NEK8: variants seen among roughly 807,000 people sequenced by gnomAD.
The protein encoded by NEK8 is serine/threonine-protein kinase Nek8.
NEK8 carries 51 observed loss-of-function variants against 77.2 expected under a neutral mutation model. That is an observed-to-expected ratio of 0.66 (90% CI 0.53 to 0.83). The LOEUF is 0.83. Ranked by LOEUF, NEK8 falls within the 40% of genes least tolerant of loss-of-function variation. The pLI is 0.00. For synonymous variants in NEK8, 365 were observed against 363.2 expected (o/e 1.00, Z -0.06); for missense variants, 787 against 909.2 (o/e 0.87, Z 1.73).
chr17:28,728,893 G>C (rs1301222147), intron 1 of NEK8, 33 bp downstream of exon 1: 5 of 1,534,978 alleles, frequency 3.3e-6, no homozygotes, highest in Non-Finnish European at 3.5e-6. Context: ...GAAACTGCTA[G>C]GGGATAGGGA....
At position 28,738,109 on chromosome 17, in the gene NEK8, T is replaced by A. The variant is rs202091769; in HGVS notation, c.1086T>A (p.Gly362=). The change falls in exon 8 of 15, where the codon GGT becomes GGA. Residue 362 remains glycine, a synonymous_variant. Coordinates refer to ENST00000268766, the MANE Select transcript of NEK8 (RefSeq NM_178170.3). ...TGCCCCTGCAGGCCCCACCCCTAGGTGCAGGCGGAGGCAGTCTCCTTCCTG... is the reference window on the plus strand; with the variant it reads ...TGCCCCTGCAGGCCCCACCCCTAGGAGCAGGCGGAGGCAGTCTCCTTCCTG... ...RLILWEAPPL[G]AGGGSLLPGA... is the part of the protein sequence containing the mutation. 8 of 1,613,650 alleles carry A rather than the reference T, an allele frequency of 5.0e-6. No individual in the cohort carries two copies. The East Asian group carries it at 1.8e-4, about 36-fold the overall frequency.
chr17:28,734,493 G>A lies in NEK8; in HGVS notation c.254-279G>A, dbSNP rs572510252. 4.4e-5 allele frequency: 25 copies of A among 562,970 alleles called. No individual in the cohort carries two copies. In the South Asian group the frequency reaches 5.0e-4, roughly 11 times the overall value. 34.9% of individuals were successfully genotyped at this position (562,970 alleles called of 1,614,324 possible). On this transcript the variant is annotated intron_variant, in intron 2 of 14. Coordinates refer to ENST00000268766, the MANE Select transcript of NEK8 (RefSeq NM_178170.3). ...GATCGAGACCATCCTGTTTAACACG[G>A]GGAAACCCCGTCTCTACTAAAAATA...
In NEK8 at chr17:28,737,827, C is replaced by T. The variant is rs1021507598; in HGVS notation, c.898C>T (p.Arg300Trp). 5.6e-6 allele frequency: 9 copies of T among 1,614,034 alleles called. No individual in the cohort carries two copies. The highest frequency in any genetic ancestry group is 5.9e-6 in the Non-Finnish European group (7 of 1,180,022). The stretch of plus-strand genomic sequence containing the variant: ...ATGCACTGTACCTGCAGGTATCCCC[C>T]GGGGACCTGTGAGGCCAGCCATCCC... ...TTSVRCRGIPRGPVRPAIPPP... is the reference protein window; with the variant it reads ...TTSVRCRGIPWGPVRPAIPPP... Residue 300 changes from arginine (R) to tryptophan (W), a missense_variant, in exon 7 of 15, where the codon CGG becomes TGG. By Grantham distance (101) the Arg-to-Trp change is moderately radical (BLOSUM62 -3). This residue lies in a region of NEK8 where 516 missense variants were observed against 544.0 expected (regional missense o/e 0.95). Coordinates refer to ENST00000268766, the MANE Select transcript of NEK8 (RefSeq NM_178170.3). This position sits in a 1 kb window ranked among gnomAD's most constrained non-coding sequence, Gnocchi z 4.8.
At chr17:28,731,051 G>A (rs1236530666) in intron 1 of NEK8, among the ~76,000 whole-genome samples, 1 of 152,038 alleles carries the variant, frequency 6.6e-6, no homozygotes, top group Non-Finnish European at 1.5e-5. Context: ...TCAAGAGTTC[G>A]AGACCAGCCT....
At chr17:28,732,969 G>A (rs1001934495) in intron 1 of NEK8, 1 of 151,956 alleles carries the variant, frequency 6.6e-6, no homozygotes, top group African/African-American at 2.4e-5. Flanking sequence ...AATGTCCTAG[G>A]CTCAGGTGAT....
Position 28,737,233 on chromosome 17 carries a change from C to A in NEK8, c.619-73C>A. 6.8e-7 allele frequency: 1 copy of A among 1,476,996 alleles called. No homozygotes were observed. The highest frequency in any genetic ancestry group is 9.2e-7 in the Non-Finnish European group (1 of 1,084,994). 91.5% of individuals were successfully genotyped at this position (1,476,996 alleles called of 1,614,324 possible). On this transcript the variant is annotated intron_variant, in intron 4 of 14. Coordinates refer to ENST00000268766, the MANE Select transcript of NEK8 (RefSeq NM_178170.3). The surrounding 1 kb of genome is among the most constrained non-coding windows in gnomAD (Gnocchi z 4.8). ...GCCTCCAGGCAAAGCTGTTATTATC[C>A]CAGGAGACCAGGGGCTGGAGCTGGG...
Position 28,741,373 on chromosome 17 carries a change from G to T in NEK8, c.1892-40G>T, listed in dbSNP as rs1459077181. Reference sequence around the variant, plus strand: ...GGAGGGGAGATCCTGCTCGGGCTGTGCCCACTTCCCACTTCCCTCCTGGGG... The same window carrying T: ...GGAGGGGAGATCCTGCTCGGGCTGTTCCCACTTCCCACTTCCCTCCTGGGG... On this transcript the variant is annotated intron_variant, in intron 13 of 14. Coordinates refer to ENST00000268766, the MANE Select transcript of NEK8 (RefSeq NM_178170.3). The surrounding 1 kb of genome is among the most constrained non-coding windows in gnomAD (Gnocchi z 4.5). 6.2e-7 allele frequency: 1 copy of T among 1,608,824 alleles called. No individual in the cohort carries two copies. The highest frequency in any genetic ancestry group is 2.2e-5 in the East Asian group (1 of 44,756).
chr17:28,735,315 G>A lies in NEK8; in HGVS notation c.562G>A (p.Ala188Thr). The A allele has an allele frequency of 6.2e-7, 1 of 1,614,086 alleles. No homozygotes were observed. The highest frequency in any genetic ancestry group is 1.1e-5 in the South Asian group (1 of 91,072). Residue 188 changes from alanine to threonine, a missense_variant, in exon 4 of 15, where the codon GCC becomes ACC. Transcript: ENST00000268766. ...KPYNQKSDIW[A>T]LGCVLYELAS... Reference sequence around the variant, plus strand: ...CTACAACCAGAAGAGTGACATCTGGGCCCTGGGCTGTGTCCTCTACGAGCT... The same window carrying A: ...CTACAACCAGAAGAGTGACATCTGGACCCTGGGCTGTGTCCTCTACGAGCT...
intron 1 of NEK8, among the ~76,000 whole-genome samples, chr17:28,733,575 C>T (rs1008675558): frequency 1.3e-5 from 2 of 152,152 alleles, no homozygotes; most frequent in African/African-American, 4.8e-5. Context: ...ATTCATTGAG[C>T]GTTTTCTTTG....
chr17:28,733,164 G>C (rs916143975), intron 1 of NEK8, among the ~76,000 whole-genome samples: 1 of 151,694 alleles, frequency 6.6e-6, no homozygotes, highest in Non-Finnish European at 1.5e-5. Context: ...ACAGGCCTTA[G>C]CCACTTGGCC....
rs753159210 is a variant in NEK8, at chr17:28,735,003, C to T, written c.485C>T (p.Thr162Met). 2 of 1,608,002 alleles carry T rather than the reference C, an allele frequency of 1.2e-6. No individual in the cohort carries two copies. The highest frequency in any genetic ancestry group is 1.7e-6 in the Non-Finnish European group (2 of 1,176,902). The change falls in exon 3 of 15, where the codon ACG becomes ATG. Residue 162 changes from threonine to methionine, a missense_variant and splice_region_variant. Transcript: ENST00000268766. ...CTTAGCAGCAAGAGCAAGGCCTACA[C>T]GGTGCCTGGGCATGGAAGGGACCTC... is the stretch of plus-strand genomic sequence containing the variant. Reference protein sequence around the residue: ...KILSSKSKAYTVVGTPCYISP... With the variant: ...KILSSKSKAYMVVGTPCYISP...
At position 28,741,960 on chromosome 17, in the gene NEK8, G is replaced by T; in HGVS notation, c.2052G>T (p.Ser684=). ...GGGTTTCTCTTCGGTACCCTCCAGC[G>T]GTCACAGATGAGCCGGTCCCCCCCT... ...CHGNTLLAVR[S]VTDEPVPP Residue 684 remains serine (S), a splice_region_variant and synonymous_variant, in exon 15 of 15, where the codon TCG becomes TCT. Coordinates refer to ENST00000268766, the MANE Select transcript of NEK8 (RefSeq NM_178170.3). This position sits in a 1 kb window ranked among gnomAD's most constrained non-coding sequence, Gnocchi z 4.5. 1 of 1,614,048 alleles carries T rather than the reference G, an allele frequency of 6.2e-7. No homozygotes were observed. Among genetic ancestry groups the T allele is most frequent in the East Asian group, 2.2e-5 (1 of 44,886 alleles).
At chr17:28,736,838 C>T (rs2034369862) in intron 4 of NEK8, among the ~76,000 whole-genome samples, 1 of 152,174 alleles carries the variant, frequency 6.6e-6, no homozygotes, top group Non-Finnish European at 1.5e-5. Context: ...GACATGAAGT[C>T]CTTGCCCATG....
chr17:28,741,539 G>A lies in NEK8; in HGVS notation c.2018G>A (p.Cys673Tyr). The A allele has an allele frequency of 6.2e-7, 1 of 1,614,080 alleles. No homozygotes were observed. Reference sequence around the variant, plus strand: ...CCTTACACGGTGACTTCCGTGTCCTGTTGCCATGGAAACACCCTCCTGGCT... The same window carrying A: ...CCTTACACGGTGACTTCCGTGTCCTATTGCCATGGAAACACCCTCCTGGCT... ...THPYTVTSVS[C>Y]CHGNTLLAVR... Residue 673 changes from cysteine to tyrosine, a missense_variant, in exon 14 of 15, where the codon TGT (cysteine) becomes TAT (tyrosine). This residue lies in a region of NEK8 where 516 missense variants were observed against 544.0 expected (regional missense o/e 0.95). Coordinates refer to ENST00000268766, the MANE Select transcript of NEK8 (RefSeq NM_178170.3). This position sits in a 1 kb window ranked among gnomAD's most constrained non-coding sequence, Gnocchi z 4.5.
At chr17:28,735,638 C>T (rs2034356681) in intron 4 of NEK8, among the ~76,000 whole-genome samples, 1 of 152,036 alleles carries the variant, frequency 6.6e-6, no homozygotes, top group African/African-American at 2.4e-5. Flanking sequence ...TCCCAGCATG[C>T]TGGGGTTTCT....
At chr17:28,739,981 G>A (rs547229662) in intron 10 of NEK8, among the ~76,000 whole-genome samples, 1 of 152,202 alleles carries the variant, frequency 6.6e-6, no homozygotes, top group East Asian at 1.9e-4. Flanking sequence ...CATTTGAACA[G>A]GGCTTTAAAG....
chr17:28,731,206 C>T (rs1159501232), intron 1 of NEK8, among the ~76,000 whole-genome samples: 1 of 151,742 alleles, frequency 6.6e-6, no homozygotes, highest in Non-Finnish European at 1.5e-5. Flanking sequence ...CATTGCACTA[C>T]AGCCTAGGCA....
Position 28,740,816 on chromosome 17 carries a change from C to G in NEK8, c.1569-6C>G. ...AGTTGGATTTGGCTTCTGGCTCTGCCCTCAGGTTCAACAAGCTGGGCCTGG... is the reference window on the plus strand; with the variant it reads ...AGTTGGATTTGGCTTCTGGCTCTGCGCTCAGGTTCAACAAGCTGGGCCTGG... On this transcript the variant is annotated splice_region_variant and splice_polypyrimidine_tract_variant and intron_variant, in intron 11 of 14. Transcript: ENST00000268766. This position sits in a 1 kb window ranked among gnomAD's most constrained non-coding sequence, Gnocchi z 4.7. 6.2e-7 allele frequency: 1 copy of G among 1,613,456 alleles called. No homozygotes were observed. The highest frequency in any genetic ancestry group is 8.5e-7 in the Non-Finnish European group (1 of 1,180,030).
Position 28,741,857 on chromosome 17 carries a change from C to A in NEK8, c.2051-102C>A. ...TGCTGAAACTCTCTTTCTGGCCTAACAGGGTCCAGAATCCAGGGCCCAGTG... is the reference window on the plus strand; with the variant it reads ...TGCTGAAACTCTCTTTCTGGCCTAAAAGGGTCCAGAATCCAGGGCCCAGTG... On this transcript the variant is annotated intron_variant, in intron 14 of 14. Coordinates refer to ENST00000268766, the MANE Select transcript of NEK8 (RefSeq NM_178170.3). The surrounding 1 kb of genome is among the most constrained non-coding windows in gnomAD (Gnocchi z 4.5). 1 of 1,263,206 alleles carries A rather than the reference C, an allele frequency of 7.9e-7. No individual in the cohort carries two copies. The highest frequency in any genetic ancestry group is 1.2e-6 in the Non-Finnish European group (1 of 860,232). 78.2% of individuals were successfully genotyped at this position (1,263,206 alleles called of 1,614,324 possible).
Sources: allele counts gnomAD v4.1 joint callset (sites outside exome capture counted in the v4.1 genomes callset), GRCh38; gene constraint gnomAD v4.1.1; regional missense constraint gnomAD v4.1.1; non-coding constraint Gnocchi (gnomAD v3.1); transcripts MANE v1.5; gene names NCBI Gene and HGNC (gene_info 2026-07-23, HGNC 2026-07-21).